The following BRD10 variants were observed in gnomAD, a reference collection of about 807,000 sequenced individuals.
BRD10 encodes bromodomain containing 10, also known as uncharacterized bromodomain-containing protein 10.
At chr9:5,975,439 CAAAAAA>C in the BRD10 span, among the ~76,000 whole-genome samples, 2 of 61,224 alleles carry the variant, frequency 3.3e-5, no homozygotes, top group Non-Finnish European at 5.4e-5. Context: ...AACTCCATCT[CAAAAAA>C]AAAAAAAAAA....
At chr9:5,971,052 C>CAAAAAAAAAAAAAAAAA in the BRD10 span, among the ~76,000 whole-genome samples, 2 of 43,198 alleles carry the variant, frequency 4.6e-5, 1 homozygote, top group Non-Finnish European at 9.4e-5. Context: ...AGCAACGTCT[C>CAAAAAAAAAAAAAAAAA]AAAAAAAAAA....
chr9:6,003,358 C>T, the BRD10 span, among the ~76,000 whole-genome samples: 1 of 152,082 alleles, frequency 6.6e-6, no homozygotes, highest in Non-Finnish European at 1.5e-5. Context: ...GGTAAAAATT[C>T]ATACTAATAT....
At chr9:5,943,248 C>T in the BRD10 span, among the ~76,000 whole-genome samples, 1 of 152,090 alleles carries the variant, frequency 6.6e-6, no homozygotes, top group Non-Finnish European at 1.5e-5. Flanking sequence ...TTTACAGAAG[C>T]CTCTAGAATG....
chr9:5,999,708 G>A, the BRD10 span, among the ~76,000 whole-genome samples: 4 of 152,100 alleles, frequency 2.6e-5, no homozygotes, highest in South Asian at 8.3e-4. Flanking sequence ...ACACACAGTA[G>A]CTCTTTTTGC....
the BRD10 span, among the ~76,000 whole-genome samples, chr9:5,976,051 G>C: frequency 2.6e-5 from 4 of 152,136 alleles, no homozygotes; most frequent in African/African-American, 9.7e-5. Context: ...CATTTATTTA[G>C]AAATGTGAAC....
chr9:5,906,709 T>C, the BRD10 span, among the ~76,000 whole-genome samples: 28 of 152,360 alleles, frequency 1.8e-4, no homozygotes, highest in Admixed American at 1.2e-3. Flanking sequence ...AGGTATTATA[T>C]TCCTAGATGC....
At chr9:5,988,174 G>A in the BRD10 span, among the ~76,000 whole-genome samples, 1 of 152,020 alleles carries the variant, frequency 6.6e-6, no homozygotes, top group Non-Finnish European at 1.5e-5. Flanking sequence ...AAGATAAGTG[G>A]TTTTAAATTT....
chr9:5,888,330 A>T, the BRD10 span, among the ~76,000 whole-genome samples: 3 of 152,212 alleles, frequency 2.0e-5, no homozygotes, highest in Non-Finnish European at 4.4e-5. Flanking sequence ...TGATTTTTGC[A>T]CTGTCGGACT....
the BRD10 span, chr9:5,924,942 T>C: frequency 1.1e-6 from 1 of 886,322 alleles, no homozygotes; most frequent in African/African-American, 1.7e-5. Context: ...ATGGAAATAT[T>C]TTTTATTAAG....
the BRD10 span, chr9:6,008,318 C>G: frequency 2.0e-6 from 2 of 984,962 alleles, no homozygotes; most frequent in South Asian, 9.4e-5. Context: ...GGTGCACGGA[C>G]GGGGCCCGGC....
At chr9:6,007,359 T>G in the BRD10 span, 1 of 1,613,384 alleles carries the variant, frequency 6.2e-7, no homozygotes, top group Admixed American at 1.7e-5. Flanking sequence ...CGAACTTCTC[T>G]TCCATCTGCA....
the BRD10 span, among the ~76,000 whole-genome samples, chr9:5,986,818 T>C: frequency 2.2e-4 from 33 of 152,346 alleles, no homozygotes; most frequent in East Asian, 1.5e-3. Context: ...TTCATATTCA[T>C]AGTTTCCTGC....
chr9:5,940,532 T>C, the BRD10 span, among the ~76,000 whole-genome samples: 1 of 152,212 alleles, frequency 6.6e-6, no homozygotes, highest in Non-Finnish European at 1.5e-5. Flanking sequence ...TCACAAATAT[T>C]TCCGTATTGT....
At chr9:5,945,104 T>C in the BRD10 span, 4 of 441,544 alleles carry the variant, frequency 9.1e-6, no homozygotes, top group Non-Finnish European at 1.6e-5. Flanking sequence ...CTGCAGTTTA[T>C]ATTTTAAAAT....
At chr9:5,988,095 G>C in the BRD10 span, among the ~76,000 whole-genome samples, 1 of 152,116 alleles carries the variant, frequency 6.6e-6, no homozygotes, top group Admixed American at 6.5e-5. Flanking sequence ...ATTCACTTGA[G>C]AATGAATACT....
chr9:5,940,872 T>C, the BRD10 span, among the ~76,000 whole-genome samples: 9 of 152,322 alleles, frequency 5.9e-5, no homozygotes, highest in Admixed American at 1.3e-4. Flanking sequence ...AAAGATGTAT[T>C]AGAAAAGATG....
chr9:5,916,173 A>T, the BRD10 span, among the ~76,000 whole-genome samples: 2 of 152,336 alleles, frequency 1.3e-5, 1 homozygote, highest in South Asian at 4.1e-4. Context: ...ATGATGGCAA[A>T]ACTACTTCTG....
the BRD10 span, among the ~76,000 whole-genome samples, chr9:5,932,904 C>A: frequency 6.6e-6 from 1 of 152,082 alleles, no homozygotes; most frequent in Non-Finnish European, 1.5e-5. Flanking sequence ...CTTATTTTAA[C>A]TTTTAAAATT....
chr9:5,884,281 T>C, the BRD10 span, among the ~76,000 whole-genome samples: 38,084 of 152,120 alleles, frequency 0.25, 4,834 homozygotes, highest in South Asian at 0.31. Flanking sequence ...GGTCAACCCA[T>C]TTTTTTCCCT....
Sources: gnomAD v4.1 joint callset for allele counts (sites outside exome capture counted in the v4.1 genomes callset) on GRCh38, gnomAD v4.1.1 for gene constraint, MANE v1.5 for transcripts, NCBI Gene and HGNC (gene_info 2026-07-23, HGNC 2026-07-21) for gene names.